Variants in KALRN observed in about 807,000 individuals in gnomAD.
KALRN encodes kalirin RhoGEF kinase, also known as kalirin.
A neutral mutation model predicts 353.7 loss-of-function variants in KALRN; 70 were observed. That is an observed-to-expected ratio of 0.20 (90% CI 0.16 to 0.24). KALRN has a LOEUF of 0.24. KALRN is among the 10% of genes least tolerant of loss of function. The pLI is 1.00. For missense variants in KALRN, 2,791 were observed against 3,756.7 expected, an observed-to-expected ratio of 0.74 and a Z score of 6.72; for synonymous variants, 1,391 against 1,434.8, an observed-to-expected ratio of 0.97 and a Z score of 0.69.
In KALRN at chr3:124,650,031, ATTAT is replaced by A. The variant is rs568169165; in HGVS notation, c.5665-774_5665-771del. On this transcript the variant is annotated intron_variant, in intron 37 of 59. Transcript: ENST00000682506. ...AAGAATAGCCTTAGATTAGTCTCTCATTATTTGTTTTACAGTTGCCCAACTTGAC... is the reference window on the plus strand; with the variant it reads ...AAGAATAGCCTTAGATTAGTCTCTCATTGTTTTACAGTTGCCCAACTTGAC... 2.6e-5 allele frequency among the ~76,000 whole-genome samples: 4 copies of A among 151,416 alleles called. No individual in the cohort carries two copies. In the South Asian group the frequency reaches 8.3e-4, roughly 32 times the overall value.
chr3:124,179,500 A>C (rs964744882), intron 1 of KALRN, among the ~76,000 whole-genome samples: 7 of 152,246 alleles, frequency 4.6e-5, no homozygotes, highest in African/African-American at 7.2e-5. Context: ...TTTACAGTTA[A>C]CTTTTTAAAC....
intron 1 of KALRN, among the ~76,000 whole-genome samples, chr3:124,043,294 G>A (rs923956367): frequency 2.0e-5 from 3 of 152,116 alleles, no homozygotes; most frequent in African/African-American, 7.2e-5. Flanking sequence ...ATTAAAAATA[G>A]CAAGGTAGTT....
chr3:124,684,894 G>A (rs1428131522), intron 51 of KALRN, among the ~76,000 whole-genome samples: 4 of 151,942 alleles, frequency 2.6e-5, no homozygotes, highest in East Asian at 1.9e-4. Context: ...TCCCTGGCCC[G>A]CCTTTCATGT....
intron 57 of KALRN, among the ~76,000 whole-genome samples, chr3:124,705,375 G>GT (rs1198004453): frequency 1.3e-5 from 2 of 152,088 alleles, no homozygotes; most frequent in Non-Finnish European, 2.9e-5. Flanking sequence ...AAATACAGAT[G>GT]TTTTTCACAG....
At chr3:124,511,105 C>T (rs2065853725) in intron 33 of KALRN, among the ~76,000 whole-genome samples, 2 of 152,122 alleles carry the variant, frequency 1.3e-5, no homozygotes, top group Non-Finnish European at 2.9e-5. Flanking sequence ...GAGCCACCTA[C>T]ACTAATATTG....
chr3:124,058,287 A>G (rs1359502853), intron 1 of KALRN, among the ~76,000 whole-genome samples: 3 of 152,082 alleles, frequency 2.0e-5, no homozygotes, highest in African/African-American at 7.2e-5. Context: ...TGGTCTTTAG[A>G]TGTGTAATTT....
intron 16 of KALRN, among the ~76,000 whole-genome samples, chr3:124,432,275 A>C (rs3772758): frequency 0.014 from 2,197 of 152,136 alleles, 74 homozygotes; most frequent in East Asian, 0.075. Context: ...GTAGCCAGGC[A>C]TGGTGGTGGG....
chr3:124,446,492 C>T (rs2093843238), intron 20 of KALRN, among the ~76,000 whole-genome samples: 1 of 152,206 alleles, frequency 6.6e-6, no homozygotes, highest in South Asian at 2.1e-4. Context: ...AATGCTAGGT[C>T]ACCCACTATG....
In KALRN at chr3:124,232,210, GA is replaced by G. The variant is rs200996687; in HGVS notation, c.149-2618del. ...TTCACTCAGCTTGGAGCCTGGCACAGATACTGTGGCCAAAGCTTTCAACAGA... is the reference window on the plus strand; with the variant it reads ...TTCACTCAGCTTGGAGCCTGGCACAGTACTGTGGCCAAAGCTTTCAACAGA... On this transcript the variant is annotated intron_variant, in intron 2 of 59. Transcript: ENST00000682506. Among the ~76,000 whole-genome samples the G allele has an allele frequency of 3.5e-3, 537 of 152,300 alleles. 8 individuals are homozygous for G. Among genetic ancestry groups the G allele is most frequent in the Admixed American group, 0.029 (436 of 15,298 alleles).
At position 124,234,818 on chromosome 3, in the gene KALRN, CCTT is replaced by C. The variant is rs373840326; in HGVS notation, c.149-7_149-5del. 1.1e-5 allele frequency: 17 copies of C among 1,577,154 alleles called. No homozygotes were observed. In the African/African-American group the frequency reaches 1.4e-4, roughly 13 times the overall value. ...TTTTCTTAAACACTCTTCTCTTCCT[CCTT>C]CTTGCAGGGGGTCGTGATAAGCGAG... On this transcript the variant is annotated splice_region_variant and splice_polypyrimidine_tract_variant and intron_variant, in intron 2 of 59. Coordinates refer to ENST00000682506, the MANE Select transcript of KALRN (RefSeq NM_001388419.1).
intron 34 of KALRN, among the ~76,000 whole-genome samples, chr3:124,619,670 A>G (rs2079059829): frequency 6.6e-6 from 1 of 151,846 alleles, no homozygotes; most frequent in African/African-American, 2.4e-5. Flanking sequence ...TATTCTTTGT[A>G]GAGACAGGGT....
chr3:124,370,809 T>C (rs1331504136), intron 10 of KALRN, among the ~76,000 whole-genome samples: 1 of 152,244 alleles, frequency 6.6e-6, no homozygotes, highest in East Asian at 1.9e-4. Flanking sequence ...TCAGTCAGAA[T>C]TGTGTAAGCT....
intron 1 of KALRN, among the ~76,000 whole-genome samples, chr3:124,226,698 C>T (rs753935711): frequency 6.6e-6 from 1 of 152,050 alleles, no homozygotes; most frequent in Non-Finnish European, 1.5e-5. Context: ...TACGCCTGGC[C>T]CAGAATTTTA....
chr3:124,129,073 T>C (rs985484651), intron 1 of KALRN, among the ~76,000 whole-genome samples: 1 of 152,130 alleles, frequency 6.6e-6, no homozygotes, highest in Non-Finnish European at 1.5e-5. Flanking sequence ...TAAAACTGCG[T>C]ACAGCCGTAT....
intron 34 of KALRN, among the ~76,000 whole-genome samples, chr3:124,626,137 A>C (rs1295253914): frequency 1.3e-5 from 2 of 152,232 alleles, no homozygotes; most frequent in African/African-American, 4.8e-5. Context: ...ACATGAATAA[A>C]TCTCAAATAA....
chr3:124,307,028 C>A (rs2077768826), intron 6 of KALRN, among the ~76,000 whole-genome samples: 1 of 151,050 alleles, frequency 6.6e-6, no homozygotes, highest in Admixed American at 6.6e-5. Context: ...AGCAAGTGAC[C>A]CTTGATGGTA....
intron 1 of KALRN, among the ~76,000 whole-genome samples, chr3:124,128,829 C>G (rs1230338411): frequency 1.3e-5 from 2 of 152,022 alleles, no homozygotes; most frequent in Non-Finnish European, 1.5e-5. Context: ...TTCAACTGGT[C>G]CTGAAGAGTT....
intron 25 of KALRN, 52 bp downstream of exon 25, chr3:124,462,685 C>T (rs775012661): frequency 1.8e-5 from 19 of 1,036,418 alleles, no homozygotes; most frequent in Non-Finnish European, 2.8e-5. Flanking sequence ...AAAAACCAGA[C>T]AACAGGGTTC....
intron 1 of KALRN, among the ~76,000 whole-genome samples, chr3:124,086,002 G>A (rs1223343683): frequency 1.3e-5 from 2 of 152,076 alleles, no homozygotes; most frequent in Non-Finnish European, 2.9e-5. Context: ...ATAGATCATG[G>A]AACCCTTTCA....
Sources: allele counts gnomAD v4.1 joint callset (sites outside exome capture counted in the v4.1 genomes callset), GRCh38; gene constraint gnomAD v4.1.1; transcripts MANE v1.5; gene names NCBI Gene and HGNC (gene_info 2026-07-23, HGNC 2026-07-21).